The following SPSB1 variants were observed in gnomAD, a reference collection of about 807,000 sequenced individuals.
SPSB1 encodes splA/ryanodine receptor domain and SOCS box containing 1.
Under a neutral mutation model 21.2 loss-of-function variants are expected in SPSB1, and 8 were observed. The ratio of observed to expected loss-of-function variants is 0.38; its 90% CI spans 0.22 to 0.68. The LOEUF is 0.68. Among genes scored for constraint, SPSB1 ranks in the 30% least tolerant of loss-of-function variants. The pLI, the probability that SPSB1 is intolerant of heterozygous loss-of-function variation, is 0.53. For synonymous variants in SPSB1, 169 were observed against 161.7 expected, an observed-to-expected ratio of 1.05 and a Z score of -0.34; for missense variants, 242 against 377.8, an observed-to-expected ratio of 0.64 and a Z score of 2.98.
In SPSB1 at chr1:9,346,710, C is replaced by G. The variant is rs1020159517; in HGVS notation, c.-149-9033C>G. On this transcript the variant is annotated intron_variant, in intron 1 of 2. Coordinates refer to ENST00000328089, the MANE Select transcript of SPSB1 (RefSeq NM_025106.4). This position sits in a 1 kb window ranked among gnomAD's most constrained non-coding sequence, Gnocchi z 4.4. Reference sequence around the variant, plus strand: ...GTGCCTCATTCCTCCTCACCTCCTCCTCTTCCCTGGCGTTGGTCTATCAGG... The same window carrying G: ...GTGCCTCATTCCTCCTCACCTCCTCGTCTTCCCTGGCGTTGGTCTATCAGG... Among the ~76,000 whole-genome samples, 1 of 152,186 alleles carries G rather than the reference C, an allele frequency of 6.6e-6. No homozygotes were observed. The highest frequency in any genetic ancestry group is 2.4e-5 in the African/African-American group (1 of 41,448).
At position 9,348,095 on chromosome 1, in the gene SPSB1, C is replaced by T. The variant is rs1445059845; in HGVS notation, c.-149-7648C>T. Among the ~76,000 whole-genome samples the T allele has an allele frequency of 1.3e-5, 2 of 152,016 alleles. No individual in the cohort carries two copies. Among genetic ancestry groups the T allele is most frequent in the African/African-American group, 2.4e-5 (1 of 41,368 alleles). ...GAGTAGCTGGGATTACAGGTGCTCA[C>T]CACCACGCCCAGCTTATTTTTGTAT... On this transcript the variant is annotated intron_variant, in intron 1 of 2. Transcript: ENST00000328089. The surrounding 1 kb of genome is among the most constrained non-coding windows in gnomAD (Gnocchi z 4.8).
At chr1:9,303,391 A>C (rs1639365009) in intron 1 of SPSB1, among the ~76,000 whole-genome samples, 1 of 152,200 alleles carries the variant, frequency 6.6e-6, no homozygotes, top group Non-Finnish European at 1.5e-5. Context: ...GGTAGTTATA[A>C]TAAATACCAG....
At chr1:9,302,699 A>G (rs536368403) in intron 1 of SPSB1, among the ~76,000 whole-genome samples, 54 of 152,296 alleles carry the variant, frequency 3.5e-4, no homozygotes, top group African/African-American at 1.3e-3. Context: ...AGGGCAGTAG[A>G]GTCTTTTGAA....
intron 2 of SPSB1, among the ~76,000 whole-genome samples, chr1:9,364,956 A>G (rs1640542546): frequency 1.3e-5 from 2 of 151,870 alleles, no homozygotes; most frequent in African/African-American, 4.8e-5. Context: ...GGTTCAAGTG[A>G]TTCTCCTGCC....
chr1:9,339,512 A>C (rs1640056533), intron 1 of SPSB1, among the ~76,000 whole-genome samples: 1 of 152,202 alleles, frequency 6.6e-6, no homozygotes, highest in South Asian at 2.1e-4. Flanking sequence ...AAGATCCCAC[A>C]CAGATGGGAT....
intron 2 of SPSB1, among the ~76,000 whole-genome samples, chr1:9,358,206 T>G (rs1640408521): frequency 1.3e-5 from 2 of 152,172 alleles, no homozygotes; most frequent in African/African-American, 4.8e-5. Context: ...GCTTACACAT[T>G]TCTCTTTGGA....
At chr1:9,300,164 G>T (rs1639304240) in intron 1 of SPSB1, among the ~76,000 whole-genome samples, 1 of 152,112 alleles carries the variant, frequency 6.6e-6, no homozygotes, top group Non-Finnish European at 1.5e-5. Context: ...AGTAGTGTCA[G>T]GCCTGTGAAG....
Position 9,317,307 on chromosome 1 carries a change from G to A in SPSB1, c.-150+24236G>A, listed in dbSNP as rs189471063. On this transcript the variant is annotated intron_variant, in intron 1 of 2. Coordinates refer to ENST00000328089, the MANE Select transcript of SPSB1 (RefSeq NM_025106.4). The surrounding 1 kb of genome is among the most constrained non-coding windows in gnomAD (Gnocchi z 4.3). The stretch of plus-strand genomic sequence containing the variant: ...AGGGAATAAATGTCACTGGCGGAAG[G>A]TGGCATGTGTGTGCAAAACCACTGG... 2.0e-5 allele frequency among the ~76,000 whole-genome samples: 3 copies of A among 152,240 alleles called. No individual in the cohort carries two copies. The highest frequency in any genetic ancestry group is 2.1e-4 in the South Asian group (1 of 4,812).
chr1:9,323,379 T>C (rs1258222481), intron 1 of SPSB1, among the ~76,000 whole-genome samples: 1 of 152,108 alleles, frequency 6.6e-6, no homozygotes, highest in Non-Finnish European at 1.5e-5. Flanking sequence ...ACTTTCCATG[T>C]CTCCCCCTGG....
At position 9,342,862 on chromosome 1, in the gene SPSB1, G is replaced by A. The variant is rs534460156; in HGVS notation, c.-149-12881G>A. Among the ~76,000 whole-genome samples, 113 of 152,338 alleles carry A rather than the reference G, an allele frequency of 7.4e-4. 1 individual carries two copies. Among genetic ancestry groups the A allele is most frequent in the African/African-American group, 2.6e-3 (107 of 41,568 alleles). ...CCTGGACTGCAGCAATTCTGCTCTC[G>A]AAGGCTCTTCACTCCCCACATCTGA... On this transcript the variant is annotated intron_variant, in intron 1 of 2. Coordinates refer to ENST00000328089, the MANE Select transcript of SPSB1 (RefSeq NM_025106.4).
intron 1 of SPSB1, among the ~76,000 whole-genome samples, chr1:9,332,591 C>A (rs960419732): frequency 1.3e-5 from 2 of 152,084 alleles, no homozygotes; most frequent in Non-Finnish European, 2.9e-5. Flanking sequence ...AAGGATCCCA[C>A]GGAGGGAGGT....
At chr1:9,340,204 G>A (rs574742007) in intron 1 of SPSB1, among the ~76,000 whole-genome samples, 4 of 152,278 alleles carry the variant, frequency 2.6e-5, no homozygotes, top group African/African-American at 9.6e-5. Flanking sequence ...GACTCTCCTT[G>A]GGCAGGCTTT....
Position 9,320,888 on chromosome 1 carries a change from G to A in SPSB1, c.-150+27817G>A, listed in dbSNP as rs564494121. ...TGGAGTTAGAGTGAGCTCTGGCCAC[G>A]AAAGGCTGGCCTGATGGGGAGGGGC... On this transcript the variant is annotated intron_variant, in intron 1 of 2. Coordinates refer to ENST00000328089, the MANE Select transcript of SPSB1 (RefSeq NM_025106.4). Among the ~76,000 whole-genome samples, 1,181 of 151,840 alleles carry A rather than the reference G, an allele frequency of 7.8e-3. 46 individuals carry two copies. Among genetic ancestry groups the A allele is most frequent in the Admixed American group, 0.069 (1,051 of 15,278 alleles).
intron 1 of SPSB1, among the ~76,000 whole-genome samples, chr1:9,336,103 T>A (rs1640000714): frequency 1.3e-5 from 2 of 152,232 alleles, no homozygotes; most frequent in Admixed American, 1.3e-4. Context: ...CATTTATTGT[T>A]CTCGTCTCTG....
At chr1:9,316,696 C>T (rs1311228808) in intron 1 of SPSB1, among the ~76,000 whole-genome samples, 4 of 152,212 alleles carry the variant, frequency 2.6e-5, no homozygotes, top group Non-Finnish European at 4.4e-5. Context: ...ATTCCTGTGG[C>T]GCGGCACGGG....
At chr1:9,297,451 C>T (rs997253276) in intron 1 of SPSB1, among the ~76,000 whole-genome samples, 2 of 151,916 alleles carry the variant, frequency 1.3e-5, no homozygotes, top group African/African-American at 4.8e-5. Flanking sequence ...CTGGTCACAC[C>T]CTTTCCAAGG....
chr1:9,364,549 G>A (rs1640527128), intron 2 of SPSB1, among the ~76,000 whole-genome samples: 1 of 152,142 alleles, frequency 6.6e-6, no homozygotes, highest in Non-Finnish European at 1.5e-5. Flanking sequence ...GAGCCGGGTG[G>A]GTGGAACCCA....
chr1:9,294,028 CTGTGTGTG>C (rs60016245), intron 1 of SPSB1, among the ~76,000 whole-genome samples: 3 of 150,150 alleles, frequency 2.0e-5, no homozygotes, highest in Admixed American at 1.3e-4. Context: ...CTCTAAGTGA[CTGTGTGTG>C]TGTGTGTGTG....
chr1:9,323,626 C>T (rs1303158511), intron 1 of SPSB1, among the ~76,000 whole-genome samples: 5 of 152,312 alleles, frequency 3.3e-5, no homozygotes, highest in Admixed American at 6.5e-5. Context: ...ATGGCAGACG[C>T]GCCTCCCTGC....
Sources: allele counts gnomAD v4.1 joint callset (sites outside exome capture counted in the v4.1 genomes callset), GRCh38; gene constraint gnomAD v4.1.1; non-coding constraint Gnocchi (gnomAD v3.1); transcripts MANE v1.5; gene names NCBI Gene and HGNC (gene_info 2026-07-23, HGNC 2026-07-21).